HK3: variants seen among roughly 807,000 people sequenced by gnomAD.
HK3 encodes the protein hexokinase 3.
In HK3, 93 loss-of-function variants were observed where a neutral mutation model predicts 91.0. That is an observed-to-expected ratio of 1.02 (90% confidence interval 0.86 to 1.21). HK3 has a LOEUF of 1.21. HK3 is among the 50% of genes most tolerant of loss of function. The pLI, the probability that HK3 is intolerant of heterozygous loss-of-function variation, is 0.00. For synonymous variants in HK3, 519 were observed against 516.9 expected, an observed-to-expected ratio of 1.00 and a Z score of -0.06; for missense variants, 1,235 against 1,247.4, an observed-to-expected ratio of 0.99 and a Z score of 0.15.
rs1262244905 is a variant in HK3 at position 176,889,579 on chromosome 5, C to A, written c.731-15G>T. On this transcript the variant is annotated splice_polypyrimidine_tract_variant and intron_variant, in intron 7 of 18. Coordinates refer to ENST00000292432, the MANE Select transcript of HK3 (RefSeq NM_002115.3). Reference sequence around the variant, plus strand: ...GGTGCCCGTGTCTGGCAGAGACAACCCTGTCAAGGCCTGCTAGCCAGGCAG... The same window carrying A: ...GGTGCCCGTGTCTGGCAGAGACAACACTGTCAAGGCCTGCTAGCCAGGCAG... 2.2e-5 allele frequency: 36 copies of A among 1,613,974 alleles called. No homozygotes were observed. Among genetic ancestry groups the A allele is most frequent in the Non-Finnish European group, 2.9e-5 (34 of 1,179,942 alleles).
intron 15 of HK3, 103 bp from the exon 16 acceptor site, chr5:176,882,230 T>C: frequency 5.1e-6 from 6 of 1,187,826 alleles, no homozygotes; most frequent in Non-Finnish European, 6.0e-6. Flanking sequence ...TCACTCTCTC[T>C]ACCTCTCATG....
At position 176,889,686 on chromosome 5, in the gene HK3, C is replaced by T. The variant is rs1386361430; in HGVS notation, c.689G>A (p.Cys230Tyr). ...CTCACACGGCCTGACCCCCGGCTCA[C>T]AGCCCATCATGGTGCCCACTGTGTC... ...VNDTVGTMMG[C>Y]EPGVRPCEVG... The change falls in exon 7 of 19, where the codon TGT becomes TAT. Residue 230 changes from cysteine to tyrosine, a missense_variant. Physicochemically the swap from Cys to Tyr is radical, Grantham distance 194. This residue lies in a region of HK3 where 717 missense variants were observed against 751.6 expected (regional missense o/e 0.95). Transcript: ENST00000292432. The T allele has an allele frequency of 1.2e-6, 2 of 1,614,210 alleles. No homozygotes were observed. The highest frequency in any genetic ancestry group is 1.7e-5 in the Admixed American group (1 of 60,032).
At chr5:176,896,446 C>T (rs1395424763) in intron 1 of HK3, among the ~76,000 whole-genome samples, 3 of 152,244 alleles carry the variant, frequency 2.0e-5, no homozygotes, top group Non-Finnish European at 4.4e-5. Flanking sequence ...TTGACATTCA[C>T]CAGTTCCTGA....
chr5:176,887,756 C>G lies in HK3; in HGVS notation c.1305-10G>C. The G allele has an allele frequency of 6.3e-7, 1 of 1,593,908 alleles. No homozygotes were observed. The highest frequency in any genetic ancestry group is 1.7e-5 in the Admixed American group (1 of 59,266). ...CAGGACGCTGCAGAACCTACAGATA[C>G]ATACAGGTGCACCCGGCTTGGCCCT... On this transcript the variant is annotated splice_polypyrimidine_tract_variant and intron_variant, in intron 10 of 18. Coordinates refer to ENST00000292432, the MANE Select transcript of HK3 (RefSeq NM_002115.3). The surrounding 1 kb of genome is among the most constrained non-coding windows in gnomAD (Gnocchi z 4.9).
chr5:176,888,508 A>G lies in HK3; in HGVS notation c.1128T>C (p.Pro376=), dbSNP rs1758664621. The G allele has an allele frequency of 6.4e-7, 1 of 1,554,746 alleles. No homozygotes were observed. The highest frequency in any genetic ancestry group is 1.4e-5 in the African/African-American group (1 of 73,170). The change falls in exon 10 of 19, where the codon CCT becomes CCC. Residue 376 remains proline (P), a synonymous_variant. Coordinates refer to ENST00000292432, the MANE Select transcript of HK3 (RefSeq NM_002115.3). ...GCACAAGCTCAACATCCGAAGCCCC[A>G]GGGCTCAGGCCCAAGTCCTGCAGGA... ...HAILQDLGLS[P]GASDVELVQH...
At chr5:176,891,705 A>G (rs1423898012) in intron 2 of HK3, among the ~76,000 whole-genome samples, 155 bp from the exon 3 acceptor site, 1 of 152,156 alleles carries the variant, frequency 6.6e-6, no homozygotes, top group Non-Finnish European at 1.5e-5. Flanking sequence ...CAGCTCTGGC[A>G]TCCTCAGAAG....
rs1420132239 is a variant in HK3 at position 176,884,660 on chromosome 5, C to A, written c.1858-526G>T. Among the ~76,000 whole-genome samples the A allele has an allele frequency of 6.6e-6, 1 of 152,212 alleles. No individual in the cohort carries two copies. On this transcript the variant is annotated intron_variant, in intron 13 of 18. Coordinates refer to ENST00000292432, the MANE Select transcript of HK3 (RefSeq NM_002115.3). The surrounding 1 kb of genome is among the most constrained non-coding windows in gnomAD (Gnocchi z 4.1). ...GCAGGAGGAATGGAAAAGCCAGAAC[C>A]CAGGCCCCTGGGCAGGATGAAGGCT...
rs765839316 is a variant in HK3 at position 176,883,827 on chromosome 5, C to T, written c.1996G>A (p.Gly666Arg). 4.5e-5 allele frequency: 72 copies of T among 1,613,998 alleles called. No homozygotes were observed. Among genetic ancestry groups the T allele is most frequent in the Non-Finnish European group, 5.7e-5 (67 of 1,180,034 alleles). ...TCATAGCCACAGGACATCATGGTCC[C>T]CACCGTGTCATTGACAATGGCAACC... ...NVVAIVNDTV[G>R]TMMSCGYEDP... Residue 666 changes from glycine (G) to arginine (R), a missense_variant, in exon 15 of 19, where the codon GGG (glycine) becomes AGG (arginine). By Grantham distance (125) the Gly-to-Arg change is moderately radical (BLOSUM62 -2). Transcript: ENST00000292432.
rs755864094 is a variant in HK3 at position 176,881,725 on chromosome 5, A to T, written c.2360T>A (p.Ile787Asn). 3 of 1,614,146 alleles carry T rather than the reference A, an allele frequency of 1.9e-6. No individual in the cohort carries two copies. Residue 787 changes from isoleucine to asparagine, a missense_variant, in exon 17 of 19, where the codon ATC becomes AAC. Ile to Asn is a moderately radical substitution (Grantham distance 149). Around this residue, in one of 3 missense-constraint regions of HK3, gnomAD observed 513 missense variants for 477.4 expected, o/e 1.07. Coordinates refer to ENST00000292432, the MANE Select transcript of HK3 (RefSeq NM_002115.3). Reference sequence around the variant, plus strand: ...CTCAGAGAGGAACTTGGTCTTGAAGATGTCCCTGGTCTGAAGGCGCTGGAT... The same window carrying T: ...CTCAGAGAGGAACTTGGTCTTGAAGTTGTCCCTGGTCTGAAGGCGCTGGAT... ...QQIQRLQTRD[I>N]FKTKFLSEIE...
chr5:176,881,820 G>A lies in HK3; in HGVS notation c.2265C>T (p.Tyr755=). 6.2e-7 allele frequency: 1 copy of A among 1,614,076 alleles called. No individual in the cohort carries two copies. Among genetic ancestry groups the A allele is most frequent in the Non-Finnish European group, 8.5e-7 (1 of 1,180,020 alleles). Residue 755 remains tyrosine (Y), a synonymous_variant, in exon 17 of 19, where the codon TAC becomes TAT. Coordinates refer to ENST00000292432, the MANE Select transcript of HK3 (RefSeq NM_002115.3). Reference sequence around the variant, plus strand: ...GGATGTGGCGGACGATCTCCCCCAGGTACATGCCGCTGATCATCTTTTCAA... The same window carrying A: ...GGATGTGGCGGACGATCTCCCCCAGATACATGCCGCTGATCATCTTTTCAA... ...QRFEKMISGM[Y]LGEIVRHILL...
chr5:176,889,344 G>A, intron 8 of HK3, 37 bp downstream of exon 8: 1 of 1,599,704 alleles, frequency 6.3e-7, no homozygotes, highest in Non-Finnish European at 8.5e-7. Context: ...CATAGACAGG[G>A]CCTGGAACCA....
chr5:176,888,700 C>G lies in HK3; in HGVS notation c.1070+9G>C. On this transcript the variant is annotated intron_variant, in intron 9 of 18. Transcript: ENST00000292432. The stretch of plus-strand genomic sequence containing the variant: ...AATCCCCCACTAAACCACCATCTCC[C>G]CGACTCACTCCTCCATCTCAGCCAC... 2 of 1,614,206 alleles carry G rather than the reference C, an allele frequency of 1.2e-6. No individual in the cohort carries two copies.
chr5:176,890,577 T>A (rs975682552), intron 6 of HK3, 58 bp downstream of exon 6: 8 of 1,453,220 alleles, frequency 5.5e-6, no homozygotes, highest in Non-Finnish European at 7.7e-6. Flanking sequence ...ACCCAACGCA[T>A]GTGTGCCAGG....
At chr5:176,895,636 T>C (rs1433968481) in intron 2 of HK3, among the ~76,000 whole-genome samples, 1 of 152,120 alleles carries the variant, frequency 6.6e-6, no homozygotes, top group African/African-American at 2.4e-5. Flanking sequence ...AGCGGCTACA[T>C]TGAGGGAGAC....
Position 176,887,090 on chromosome 5 carries a change from T to C in HK3, c.1769A>G (p.Asp590Gly), listed in dbSNP as rs1482659370. 1.9e-6 allele frequency: 3 copies of C among 1,613,958 alleles called. No homozygotes were observed. The Admixed American group carries it at 5.0e-5, about 27-fold the overall frequency. ...GCTCAGGCCCTGCTTCTGCTGGAAGTCCACGATGCAGTCCACGATGTGGTC... is the reference window on the plus strand; with the variant it reads ...GCTCAGGCCCTGCTTCTGCTGGAAGCCCACGATGCAGTCCACGATGTGGTC... ...LFDHIVDCIV[D>G]FQQKQGLSGQ... Residue 590 changes from aspartate (D) to glycine (G), a missense_variant, in exon 13 of 19, where the codon GAC becomes GGC. Physicochemically the swap from Asp to Gly is moderately conservative, Grantham distance 94. Transcript: ENST00000292432. This position sits in a 1 kb window ranked among gnomAD's most constrained non-coding sequence, Gnocchi z 4.9.
chr5:176,896,136 C>T lies in HK3; in HGVS notation c.24G>A (p.Gly8=). 2.5e-6 allele frequency: 4 copies of T among 1,611,504 alleles called. No individual in the cohort carries two copies. The highest frequency in any genetic ancestry group is 3.4e-6 in the Non-Finnish European group (4 of 1,178,834). The change falls in exon 2 of 19, where the codon GGG becomes GGA. Residue 8 remains glycine, a synonymous_variant. Transcript: ENST00000292432. ...TCAGGGTTTCTTCCCCCTGCCGCAA[C>T]CCTGAAGACCCAATGGAGTCCATGA... MDSIGSS[G]LRQGEETLSC...
chr5:176,897,644 G>A (rs1758939126), intron 1 of HK3, among the ~76,000 whole-genome samples: 1 of 152,114 alleles, frequency 6.6e-6, no homozygotes, highest in African/African-American at 2.4e-5. Flanking sequence ...CTTTGCTACA[G>A]AATTCCCCCT....
rs768765303 is a variant in HK3, at chr5:176,881,753, G to T, written c.2332C>A (p.Gln778Lys). 1 of 1,614,188 alleles carries T rather than the reference G, an allele frequency of 6.2e-7. No homozygotes were observed. The highest frequency in any genetic ancestry group is 1.1e-5 in the South Asian group (1 of 91,082). Reference protein sequence around the residue: ...TSLGVLFRGQQIQRLQTRDIF... With the variant: ...TSLGVLFRGQKIQRLQTRDIF... ...TCCCTGGTCTGAAGGCGCTGGATCT[G>T]CTGGCCCCGGAAGAGAACGCCAAGG... The change falls in exon 17 of 19, where the codon CAG (glutamine) becomes AAG (lysine). Residue 778 changes from glutamine (Q) to lysine (K), a missense_variant. By Grantham distance (53) the Gln-to-Lys change is moderately conservative. Coordinates refer to ENST00000292432, the MANE Select transcript of HK3 (RefSeq NM_002115.3).
In HK3 at chr5:176,887,346, G is replaced by A. The variant is rs1180609263; in HGVS notation, c.1601-9C>T. 3.1e-6 allele frequency: 5 copies of A among 1,613,856 alleles called. No individual in the cohort carries two copies. Among genetic ancestry groups the A allele is most frequent in the South Asian group, 1.1e-5 (1 of 91,084 alleles). On this transcript the variant is annotated splice_polypyrimidine_tract_variant and intron_variant, in intron 11 of 18. Coordinates refer to ENST00000292432, the MANE Select transcript of HK3 (RefSeq NM_002115.3). The surrounding 1 kb of genome is among the most constrained non-coding windows in gnomAD (Gnocchi z 4.9). ...CAGGAAATCCCCTCGCTCTGTGGGGGCAGAGACCCTCAGTGCCGGGATAGG... is the reference window on the plus strand; with the variant it reads ...CAGGAAATCCCCTCGCTCTGTGGGGACAGAGACCCTCAGTGCCGGGATAGG...
Sources: gnomAD v4.1 joint callset for allele counts (sites outside exome capture counted in the v4.1 genomes callset) on GRCh38, gnomAD v4.1.1 for gene constraint, gnomAD v4.1.1 regional missense constraint, Gnocchi (gnomAD v3.1) non-coding constraint, MANE v1.5 for transcripts, NCBI Gene and HGNC (gene_info 2026-07-23, HGNC 2026-07-21) for gene names.